ADAM23: variants seen among roughly 807,000 people sequenced by gnomAD.
ADAM23 encodes the protein disintegrin and metalloproteinase domain-containing protein 23.
In ADAM23, 33 loss-of-function variants were observed where a neutral mutation model predicts 120.1. The ratio of observed to expected loss-of-function variants is 0.27; its 90% CI spans 0.21 to 0.37. The LOEUF (loss-of-function observed/expected upper bound fraction) is 0.37, where lower values mean the gene tolerates loss of function less well. Ranked by LOEUF, ADAM23 falls within the 10% of genes least tolerant of loss-of-function variation. ADAM23 has a pLI of 1.00. For synonymous variants in ADAM23, 367 were observed against 375.2 expected (o/e 0.98, Z 0.25); for missense variants, 862 against 1,058.2 (o/e 0.81, Z 2.57).
At position 206,515,666 on chromosome 2, in the gene ADAM23, A is replaced by G. The variant is rs149388122; in HGVS notation, c.510-15219A>G. ...TTCCATGCTTTGGCATCCTCCAAGA[A>G]CTTTTTCCTTTCTAAGTTTTACTGT... On this transcript the variant is annotated intron_variant, in intron 3 of 25. Transcript: ENST00000264377. 4.1e-3 allele frequency among the ~76,000 whole-genome samples: 627 copies of G among 152,204 alleles called. 6 individuals are homozygous for G. Among genetic ancestry groups the G allele is most frequent in the African/African-American group, 0.014 (593 of 41,520 alleles).
intron 18 of ADAM23, among the ~76,000 whole-genome samples, chr2:206,576,705 C>G (rs1157078380): frequency 2.0e-5 from 3 of 152,040 alleles, no homozygotes; most frequent in Non-Finnish European, 4.4e-5. Flanking sequence ...TCTTTTACCT[C>G]ATAATGTGTT....
chr2:206,589,348 A>T, intron 20 of ADAM23, 61 bp from the exon 21 acceptor site: 1 of 1,420,188 alleles, frequency 7.0e-7, no homozygotes, highest in Non-Finnish European at 9.7e-7. Context: ...CTGGCACACT[A>T]CTGGTTATGG....
At chr2:206,546,308 A>G (rs996231629) in intron 6 of ADAM23, among the ~76,000 whole-genome samples, 2 of 152,138 alleles carry the variant, frequency 1.3e-5, no homozygotes, top group African/African-American at 2.4e-5. Context: ...TTTTACCAGA[A>G]TTTAGAGCTT....
chr2:206,466,263 T>C (rs1695540483), intron 2 of ADAM23, among the ~76,000 whole-genome samples: 1 of 152,204 alleles, frequency 6.6e-6, no homozygotes, highest in Non-Finnish European at 1.5e-5. Flanking sequence ...TGTGTCTTCA[T>C]TTGCTGATCA....
chr2:206,587,360 A>AC lies in ADAM23; in HGVS notation c.1773_1774insC (p.Cys592LeufsTer32). 1 of 1,607,808 alleles carries AC rather than the reference A, an allele frequency of 6.2e-7. No individual in the cohort carries two copies. The highest frequency in any genetic ancestry group is 8.5e-7 in the Non-Finnish European group (1 of 1,176,900). The stretch of plus-strand genomic sequence containing the variant: ...ATCTTCATAAGCAAGACGGATATGC[A>AC]TGCAATCAAAATCAGGTATGCTGGG... On this transcript the variant is annotated frameshift_variant, in exon 19 of 26. Transcript: ENST00000264377. LOFTEE classifies it high-confidence loss of function.
intron 3 of ADAM23, among the ~76,000 whole-genome samples, chr2:206,486,103 T>G (rs1189649929): frequency 2.0e-5 from 3 of 152,206 alleles, no homozygotes; most frequent in Non-Finnish European, 4.4e-5. Flanking sequence ...CTGTGGTCCA[T>G]GGTGAGGAGT....
At position 206,607,510 on chromosome 2, in the gene ADAM23, C is replaced by T. The variant is rs552092265; in HGVS notation, c.2360-2400C>T. On this transcript the variant is annotated intron_variant, in intron 24 of 25. Coordinates refer to ENST00000264377, the MANE Select transcript of ADAM23 (RefSeq NM_003812.4). ...GAAAGGATGAATTTTAATAATCCTT[C>T]CTTGAAGTCTTAGAGATAGGTAAAA... is the stretch of plus-strand genomic sequence containing the variant. Among the ~76,000 whole-genome samples the T allele has an allele frequency of 2.3e-4, 35 of 152,278 alleles. No individual in the cohort carries two copies. In the South Asian group the frequency reaches 7.0e-3, roughly 31 times the overall value.
At chr2:206,497,983 G>T (rs1696294170) in intron 3 of ADAM23, among the ~76,000 whole-genome samples, 1 of 152,122 alleles carries the variant, frequency 6.6e-6, no homozygotes, top group Non-Finnish European at 1.5e-5. Flanking sequence ...ACAATCCACT[G>T]CTCAATGAAA....
In ADAM23 at chr2:206,550,922, G is replaced by A. The variant is rs13385884; in HGVS notation, c.933+762G>A. Among the ~76,000 whole-genome samples, 822 of 152,290 alleles carry A rather than the reference G, an allele frequency of 5.4e-3. 7 individuals carry two copies. The highest frequency in any genetic ancestry group is 0.019 in the African/African-American group (790 of 41,562). On this transcript the variant is annotated intron_variant, in intron 9 of 25. Transcript: ENST00000264377. ...GGCGACTTATCGTCTTTAAATATTGGAAAGATGAATAATCTCGTGTTAACT... is the reference window on the plus strand; with the variant it reads ...GGCGACTTATCGTCTTTAAATATTGAAAAGATGAATAATCTCGTGTTAACT...
intron 4 of ADAM23, among the ~76,000 whole-genome samples, chr2:206,535,792 C>T (rs1295231946): frequency 6.6e-6 from 1 of 152,114 alleles, no homozygotes; most frequent in Non-Finnish European, 1.5e-5. Context: ...TCATGATTGC[C>T]AGGGCCTGGT....
rs1377883382 is a variant in ADAM23 at position 206,538,204 on chromosome 2, ATAAT to A, written c.574-3844_574-3841del. The stretch of plus-strand genomic sequence containing the variant: ...TCCCCATTAAATTTAATGAAGGTAA[ATAAT>A]TAAATTATTTAATAATTTGTGTGTT... On this transcript the variant is annotated intron_variant, in intron 4 of 25. Coordinates refer to ENST00000264377, the MANE Select transcript of ADAM23 (RefSeq NM_003812.4). 4.6e-5 allele frequency among the ~76,000 whole-genome samples: 7 copies of A among 152,322 alleles called. No homozygotes were observed. The East Asian group carries it at 1.3e-3, about 29-fold the overall frequency.
intron 2 of ADAM23, among the ~76,000 whole-genome samples, chr2:206,452,093 C>G (rs1447761054): frequency 6.6e-6 from 1 of 152,158 alleles, no homozygotes; most frequent in Non-Finnish European, 1.5e-5. Flanking sequence ...GGGAGTAATT[C>G]ACCTAGGGAG....
intron 3 of ADAM23, among the ~76,000 whole-genome samples, chr2:206,503,614 T>C (rs1382113143): frequency 6.6e-6 from 1 of 152,136 alleles, no homozygotes; most frequent in Non-Finnish European, 1.5e-5. Context: ...GAAGGGCTAA[T>C]TGAGGTGCAG....
At chr2:206,584,445 C>T (rs1447831260) in intron 18 of ADAM23, among the ~76,000 whole-genome samples, 1 of 152,152 alleles carries the variant, frequency 6.6e-6, no homozygotes, top group African/African-American at 2.4e-5. Context: ...CTTTGTCTTC[C>T]ACTATAATCA....
intron 4 of ADAM23, among the ~76,000 whole-genome samples, chr2:206,538,682 G>A (rs1697230991): frequency 6.6e-6 from 1 of 152,156 alleles, no homozygotes; most frequent in South Asian, 2.1e-4. Flanking sequence ...CAAAGTTGGG[G>A]TGCTTTTAAA....
At chr2:206,484,813 C>G (rs955985325) in intron 3 of ADAM23, among the ~76,000 whole-genome samples, 22 of 152,094 alleles carry the variant, frequency 1.4e-4, no homozygotes, top group African/African-American at 4.8e-4. Flanking sequence ...ATGGGAGGGC[C>G]CCAGTGGGAG....
At chr2:206,504,045 A>C (rs1696445234) in intron 3 of ADAM23, among the ~76,000 whole-genome samples, 1 of 152,150 alleles carries the variant, frequency 6.6e-6, no homozygotes, top group Non-Finnish European at 1.5e-5. Context: ...CAGGTAACTT[A>C]AATTTATTCC....
chr2:206,519,514 A>G (rs1696802851), intron 3 of ADAM23, among the ~76,000 whole-genome samples: 1 of 152,048 alleles, frequency 6.6e-6, no homozygotes, highest in Non-Finnish European at 1.5e-5. Flanking sequence ...TTTGAAGGTC[A>G]TTTTTCTAAA....
chr2:206,613,686 A>G (rs1011281001), intron 25 of ADAM23, among the ~76,000 whole-genome samples: 11 of 152,094 alleles, frequency 7.2e-5, no homozygotes, highest in Non-Finnish European at 1.2e-4. Flanking sequence ...CGACTGTTAG[A>G]GCTGTTGCTT....
Sources: gnomAD v4.1 joint callset for allele counts (sites outside exome capture counted in the v4.1 genomes callset) on GRCh38, gnomAD v4.1.1 for gene constraint, MANE v1.5 for transcripts, NCBI Gene and HGNC (gene_info 2026-07-23, HGNC 2026-07-21) for gene names.